The following DDX4 variants were observed in gnomAD, a reference collection of about 807,000 sequenced individuals.
The protein encoded by DDX4 is probable ATP-dependent RNA helicase DDX4.
A neutral mutation model predicts 100.0 loss-of-function variants in DDX4; 25 were observed. That is an observed-to-expected ratio of 0.25 (90% CI 0.18 to 0.35). The LOEUF (loss-of-function observed/expected upper bound fraction) is 0.35, where lower values mean the gene tolerates loss of function less well. Ranked by LOEUF, DDX4 falls within the 10% of genes least tolerant of loss-of-function variation. DDX4 has a pLI of 1.00. For synonymous variants in DDX4, 259 were observed against 275.7 expected, an observed-to-expected ratio of 0.94 and a Z score of 0.60; for missense variants, 635 against 882.4, an observed-to-expected ratio of 0.72 and a Z score of 3.55.
intron 18 of DDX4, among the ~76,000 whole-genome samples, chr5:55,802,323 A>G (rs892069042): frequency 1.3e-5 from 2 of 152,208 alleles, no homozygotes; most frequent in African/African-American, 4.8e-5. Flanking sequence ...TTAGTTTACA[A>G]AAGCAGAGTC....
chr5:55,786,248 C>T (rs1742240109), intron 13 of DDX4, among the ~76,000 whole-genome samples: 1 of 152,120 alleles, frequency 6.6e-6, no homozygotes, highest in Non-Finnish European at 1.5e-5. Context: ...CATTACTGAG[C>T]AGAATTCTTC....
intron 7 of DDX4, among the ~76,000 whole-genome samples, chr5:55,779,603 A>G (rs1016380569): frequency 6.6e-6 from 1 of 152,206 alleles, no homozygotes; most frequent in East Asian, 1.9e-4. Flanking sequence ...TATATTCTAT[A>G]TGGAGCAGAT....
At chr5:55,804,982 A>G in intron 18 of DDX4, among the ~76,000 whole-genome samples, 1 of 151,486 alleles carries the variant, frequency 6.6e-6, no homozygotes, top group Non-Finnish European at 1.5e-5. Flanking sequence ...ATTTGTTTGT[A>G]TCCTCTTTTA....
rs1046165155 is a variant in DDX4 at position 55,751,288 on chromosome 5, C to T, written c.127+5067C>T. Among the ~76,000 whole-genome samples the T allele has an allele frequency of 2.0e-5, 3 of 152,232 alleles. No homozygotes were observed. In the South Asian group the frequency reaches 6.2e-4, roughly 32 times the overall value. On this transcript the variant is annotated intron_variant, in intron 3 of 21. Coordinates refer to ENST00000505374, the MANE Select transcript of DDX4 (RefSeq NM_024415.3). Reference sequence around the variant, plus strand: ...TTGCTCTGTTGTCCAGGCTGGAGTGCAGTGCTGCAGTCATAGCTCACTGCA... The same window carrying T: ...TTGCTCTGTTGTCCAGGCTGGAGTGTAGTGCTGCAGTCATAGCTCACTGCA...
intron 7 of DDX4, 83 bp from the exon 8 acceptor site, chr5:55,779,881 A>C: frequency 6.6e-7 from 1 of 1,520,228 alleles, no homozygotes; most frequent in South Asian, 1.3e-5. Flanking sequence ...GAATTATTCA[A>C]GGCTTAAATT....
At chr5:55,799,520 CG>C (rs1173850883) in intron 18 of DDX4, among the ~76,000 whole-genome samples, 1 of 152,064 alleles carries the variant, frequency 6.6e-6, no homozygotes, top group Non-Finnish European at 1.5e-5. Context: ...GGACTACAGG[CG>C]TGCACCACCA....
chr5:55,752,775 G>A (rs1408525420), intron 3 of DDX4, among the ~76,000 whole-genome samples: 1 of 142,990 alleles, frequency 7.0e-6, no homozygotes, highest in Non-Finnish European at 1.5e-5. Context: ...TTCCACAATG[G>A]TTGAACTAGT....
At chr5:55,781,876 G>C in intron 9 of DDX4, 58 bp from the exon 10 acceptor site, 1 of 1,580,214 alleles carries the variant, frequency 6.3e-7, no homozygotes, top group East Asian at 2.3e-5. Flanking sequence ...AACATGGTTT[G>C]TGTGCTTGAG....
Position 55,779,883 on chromosome 5 carries a change from G to C in DDX4, c.395-81G>C. 1.5e-5 allele frequency: 23 copies of C among 1,523,070 alleles called. No individual in the cohort carries two copies. The South Asian group carries it at 3.0e-4, about 20-fold the overall frequency. 94.3% of individuals were successfully genotyped at this position (1,523,070 alleles called of 1,614,324 possible). A position where few individuals can be genotyped will look rare whatever the true frequency, so the allele number is the denominator to read the frequency against. On this transcript the variant is annotated intron_variant, in intron 7 of 21. Transcript: ENST00000505374. ...GTTTAAAGTTACTGAATTATTCAAG[G>C]CTTAAATTAAATTTGACCATGTCCC...
At chr5:55,788,025 C>T in intron 15 of DDX4, 25 bp downstream of exon 15, 1 of 1,559,950 alleles carries the variant, frequency 6.4e-7, no homozygotes, top group Non-Finnish European at 8.7e-7. Context: ...GTGCTACTCA[C>T]AAAATAGTTT....
At chr5:55,814,776 C>T (rs977881400) in intron 19 of DDX4, 125 bp from the exon 20 acceptor site, 3 of 1,041,542 alleles carry the variant, frequency 2.9e-6, no homozygotes, top group African/African-American at 3.2e-5. Flanking sequence ...AGGTGTGAGC[C>T]ACTGCGCCCA....
chr5:55,801,311 T>G (rs964773756), intron 18 of DDX4, among the ~76,000 whole-genome samples: 2 of 151,934 alleles, frequency 1.3e-5, no homozygotes, highest in Admixed American at 6.6e-5. Context: ...CCAAGACAAT[T>G]CTCCTAATGT....
chr5:55,755,249 T>A (rs1409346113), intron 3 of DDX4, among the ~76,000 whole-genome samples: 1 of 152,164 alleles, frequency 6.6e-6, no homozygotes, highest in Non-Finnish European at 1.5e-5. Context: ...CTCACTTCAA[T>A]GGGAATGCTC....
At chr5:55,782,142 G>A in intron 10 of DDX4, 161 bp downstream of exon 10, 1 of 714,060 alleles carries the variant, frequency 1.4e-6, no homozygotes, top group Non-Finnish European at 2.3e-6. Context: ...TACACAGCCT[G>A]TTTTAGATAG....
intron 18 of DDX4, among the ~76,000 whole-genome samples, chr5:55,812,956 G>A (rs1233952697): frequency 1.3e-5 from 2 of 151,804 alleles, no homozygotes; most frequent in Non-Finnish European, 2.9e-5. Flanking sequence ...GAAATGGGGA[G>A]AGAGATTATG....
intron 3 of DDX4, among the ~76,000 whole-genome samples, chr5:55,755,052 A>G (rs184232919): frequency 1.3e-5 from 2 of 152,108 alleles, no homozygotes; most frequent in African/African-American, 4.8e-5. Flanking sequence ...ATAGGGATCC[A>G]ATTTTATTTC....
intron 2 of DDX4, among the ~76,000 whole-genome samples, chr5:55,744,277 T>C (rs1276622324): frequency 1.3e-5 from 2 of 152,220 alleles, no homozygotes; most frequent in African/African-American, 2.4e-5. Flanking sequence ...AATGAACTTA[T>C]TTGAAGGAAC....
intron 18 of DDX4, among the ~76,000 whole-genome samples, chr5:55,804,907 C>T (rs1743591892): frequency 1.3e-5 from 2 of 151,894 alleles, no homozygotes; most frequent in African/African-American, 4.8e-5. Context: ...TGTAAATTAC[C>T]TTGGGCAGTA....
chr5:55,750,983 G>A (rs1456752019), intron 3 of DDX4, among the ~76,000 whole-genome samples: 1 of 152,084 alleles, frequency 6.6e-6, no homozygotes, highest in Admixed American at 6.5e-5. Flanking sequence ...TCTTGTATAT[G>A]TTCATTTATG....
Sources: gnomAD v4.1 joint callset for allele counts (sites outside exome capture counted in the v4.1 genomes callset) on GRCh38, gnomAD v4.1.1 for gene constraint, MANE v1.5 for transcripts, NCBI Gene and HGNC (gene_info 2026-07-23, HGNC 2026-07-21) for gene names.